The following INPPL1 variants were observed in gnomAD, a reference collection of about 807,000 sequenced individuals.
INPPL1 encodes the protein phosphatidylinositol 3,4,5-trisphosphate 5-phosphatase 2.
Under a neutral mutation model 139.3 loss-of-function variants are expected in INPPL1, and 91 were observed. The observed-to-expected ratio is 0.65, with a 90% CI of 0.55 to 0.78. The LOEUF (loss-of-function observed/expected upper bound fraction) is 0.78, where lower values mean the gene tolerates loss of function less well. INPPL1 is among the 30% of genes least tolerant of loss of function. The probability of loss-of-function intolerance (pLI) is 0.00; values close to 1 mark genes in which losing one functional copy is unlikely to be tolerated. For synonymous variants in INPPL1, 719 were observed against 686.6 expected (o/e 1.05, Z -0.74); for missense variants, 1,411 against 1,665.6 (o/e 0.85, Z 2.66).
chr11:72,226,475 C>T (rs1948677396), intron 1 of INPPL1, among the ~76,000 whole-genome samples: 1 of 152,120 alleles, frequency 6.6e-6, no homozygotes, highest in Non-Finnish European at 1.5e-5. Flanking sequence ...CCACCTCGCC[C>T]AGCTGGGGAG....
At position 72,232,315 on chromosome 11, in the gene INPPL1, C is replaced by T. The variant is rs775327646; in HGVS notation, c.1691C>T (p.Ser564Leu). Residue 564 changes from serine to leucine, a missense_variant, in exon 14 of 28, where the codon TCG (serine) becomes TTG (leucine). Physicochemically the swap from Ser to Leu is moderately radical, Grantham distance 145. Around this residue, in one of 5 missense-constraint regions of INPPL1, gnomAD observed 363 missense variants for 446.2 expected, o/e 0.81. Coordinates refer to ENST00000298229, the MANE Select transcript of INPPL1 (RefSeq NM_001567.4). ...GGCTTTGTGAATTGTCACCTCACCT[C>T]GGGAAATGAGAAGACGGCTCGGTGA... ...SFGFVNCHLT[S>L]GNEKTARRNQ... is the part of the protein sequence containing the mutation. 15 of 1,553,022 alleles carry T rather than the reference C, an allele frequency of 9.7e-6. No homozygotes were observed. Among genetic ancestry groups the T allele is most frequent in the Non-Finnish European group, 1.2e-5 (14 of 1,147,714 alleles).
rs769375951 is a variant in INPPL1 at position 72,229,220 on chromosome 11, A to C, written c.649A>C (p.Arg217=). The C allele has an allele frequency of 6.2e-7, 1 of 1,608,740 alleles. No individual in the cohort carries two copies. The change falls in exon 5 of 28, where the codon AGG becomes CGG. Residue 217 remains arginine (R), a synonymous_variant. Transcript: ENST00000298229. ...CCGTACCCTCGCTACCTCATGCCGG[A>C]GGCTGCACAGGTATCTGGGACATCC... ...LTRTLATSCR[R]LHSEVDKVLS...
rs377556632 is a variant in INPPL1 at position 72,237,734 on chromosome 11, C to A, written c.3490C>A (p.Arg1164=). The A allele has an allele frequency of 5.2e-5, 83 of 1,611,402 alleles. No homozygotes were observed. Among genetic ancestry groups the A allele is most frequent in the Non-Finnish European group, 6.5e-5 (77 of 1,179,422 alleles). The part of the protein sequence containing the change: ...PPRGLPSDYG[R]PLSFPPPRIR... The stretch of plus-strand genomic sequence containing the variant: ...CCGGGGACTGCCCTCGGACTATGGC[C>A]GGCCCCTCAGCTTCCCTCCACCCCG... Residue 1164 remains arginine (R), a synonymous_variant, in exon 26 of 28, where the codon CGG becomes AGG. Transcript: ENST00000298229.
At chr11:72,231,939 A>G (rs1315054473) in intron 13 of INPPL1, among the ~76,000 whole-genome samples, 1 of 152,106 alleles carries the variant, frequency 6.6e-6, no homozygotes, top group African/African-American at 2.4e-5. Flanking sequence ...GTGCTCTCCC[A>G]GGTAGATTCT....
In INPPL1 at chr11:72,231,375, G is replaced by A. The variant is rs1006235883; in HGVS notation, c.1498-123G>A. ...GAGAGGAACCATTTCTCTCCAGTCC[G>A]TCAGGAAGAGGGGTGGCAAGCCTTC... On this transcript the variant is annotated intron_variant, in intron 12 of 27. Coordinates refer to ENST00000298229, the MANE Select transcript of INPPL1 (RefSeq NM_001567.4). 25 of 947,430 alleles carry A rather than the reference G, an allele frequency of 2.6e-5. No individual in the cohort carries two copies. The Middle Eastern group carries it at 6.9e-4, about 26-fold the overall frequency. 58.7% of individuals were successfully genotyped at this position (947,430 alleles called of 1,614,324 possible). A position where few individuals can be genotyped will look rare whatever the true frequency, so the allele number is the denominator to read the frequency against.
chr11:72,225,522 T>C (rs936976844), intron 1 of INPPL1: 1 of 985,048 alleles, frequency 1.0e-6, no homozygotes, highest in Non-Finnish European at 1.2e-6. Context: ...TGCAGTCCCG[T>C]TTGGATAGGG....
At chr11:72,226,892 G>C (rs897692043) in intron 1 of INPPL1, among the ~76,000 whole-genome samples, 3 of 152,126 alleles carry the variant, frequency 2.0e-5, no homozygotes, top group Admixed American at 1.3e-4. Context: ...TGTCCCAGGA[G>C]GGGGAGAATC....
In INPPL1 at chr11:72,234,458, GC is replaced by G; in HGVS notation, c.2327-64del. The G allele has an allele frequency of 1.3e-6, 2 of 1,577,330 alleles. No individual in the cohort carries two copies. The highest frequency in any genetic ancestry group is 1.7e-6 in the Non-Finnish European group (2 of 1,146,494). ...GATGGGAGGCAAGAGGGTGCAGTCA[GC>G]CCCCTACTTAGGGGGAAAGGAAGCT... On this transcript the variant is annotated intron_variant, in intron 20 of 27. Transcript: ENST00000298229. The surrounding 1 kb of genome is among the most constrained non-coding windows in gnomAD (Gnocchi z 4.2).
chr11:72,237,118 A>C lies in INPPL1; in HGVS notation c.2880-6A>C. On this transcript the variant is annotated splice_region_variant and splice_polypyrimidine_tract_variant and intron_variant, in intron 25 of 27. Transcript: ENST00000298229. ...CCTGGCTTAGTCGTTCTGCTTCCACACCCAGGTTGAAGCCAGAGGGAGCTC... is the reference window on the plus strand; with the variant it reads ...CCTGGCTTAGTCGTTCTGCTTCCACCCCCAGGTTGAAGCCAGAGGGAGCTC... 6.4e-7 allele frequency: 1 copy of C among 1,569,316 alleles called. No homozygotes were observed. Among genetic ancestry groups the C allele is most frequent in the Non-Finnish European group, 8.7e-7 (1 of 1,154,416 alleles).
chr11:72,231,810 C>T (rs1381343064), intron 13 of INPPL1, among the ~76,000 whole-genome samples, 195 bp downstream of exon 13: 1 of 152,170 alleles, frequency 6.6e-6, no homozygotes, highest in Non-Finnish European at 1.5e-5. Context: ...AGGATAATTA[C>T]CCCCTTTTCA....
chr11:72,235,643 TCTC>T lies in INPPL1; in HGVS notation c.2660-28_2660-26del, dbSNP rs1948966369. On this transcript the variant is annotated intron_variant, in intron 23 of 27. Transcript: ENST00000298229. The surrounding 1 kb of genome is among the most constrained non-coding windows in gnomAD (Gnocchi z 4.9). ...TGTCTGTGGGATCCAGGAGCCCAGG[TCTC>T]CTCTGAGTCTCCCTTCCTGCCCCCT... 6.2e-7 allele frequency: 1 copy of T among 1,607,596 alleles called. No homozygotes were observed. Among genetic ancestry groups the T allele is most frequent in the Non-Finnish European group, 8.5e-7 (1 of 1,174,670 alleles).
Position 72,232,706 on chromosome 11 carries a change from G to T in INPPL1, c.1793G>T (p.Arg598Leu), listed in dbSNP as rs780875030. ...CTCAATGCCTTTGACATCTCTCTGC[G>T]TTTCACACACCTCTTCTGGTTTGGG... is the stretch of plus-strand genomic sequence containing the variant. ...RQLNAFDISL[R>L]FTHLFWFGDL... The change falls in exon 15 of 28, where the codon CGT becomes CTT. Residue 598 changes from arginine to leucine, a missense_variant. Arg to Leu is a moderately radical substitution (Grantham distance 102). Around this residue, in one of 5 missense-constraint regions of INPPL1, gnomAD observed 363 missense variants for 446.2 expected, o/e 0.81. Transcript: ENST00000298229. 1 of 1,613,832 alleles carries T rather than the reference G, an allele frequency of 6.2e-7. No homozygotes were observed. The highest frequency in any genetic ancestry group is 1.7e-5 in the Admixed American group (1 of 60,006).
At chr11:72,232,110 G>C (rs1043314775) in intron 13 of INPPL1, 130 bp from the exon 14 acceptor site, 2 of 737,090 alleles carry the variant, frequency 2.7e-6, no homozygotes, top group East Asian at 2.7e-5. Flanking sequence ...GTGTGCAGGG[G>C]CCTGCCCATG....
chr11:72,232,491 C>G, intron 14 of INPPL1, 135 bp from the exon 15 acceptor site: 1 of 1,283,748 alleles, frequency 7.8e-7, no homozygotes, highest in Non-Finnish European at 1.1e-6. Flanking sequence ...TGTTCCTGAC[C>G]CTAACCTTGT....
chr11:72,235,266 A>G lies in INPPL1; in HGVS notation c.2504-30A>G, dbSNP rs752618524. 2 of 1,613,678 alleles carry G rather than the reference A, an allele frequency of 1.2e-6. No homozygotes were observed. The highest frequency in any genetic ancestry group is 2.7e-5 in the African/African-American group (2 of 74,816). ...GACAGGGCCCTAGATTAGCTTGGTAATTTGCTGGTTTGTCCCATCTGCTCC... is the reference window on the plus strand; with the variant it reads ...GACAGGGCCCTAGATTAGCTTGGTAGTTTGCTGGTTTGTCCCATCTGCTCC... On this transcript the variant is annotated intron_variant, in intron 22 of 27. Transcript: ENST00000298229. The surrounding 1 kb of genome is among the most constrained non-coding windows in gnomAD (Gnocchi z 4.9).
Position 72,235,018 on chromosome 11 carries a change from C to T in INPPL1, c.2416-98C>T, listed in dbSNP as rs1298150269. On this transcript the variant is annotated intron_variant, in intron 21 of 27. Coordinates refer to ENST00000298229, the MANE Select transcript of INPPL1 (RefSeq NM_001567.4). This position sits in a 1 kb window ranked among gnomAD's most constrained non-coding sequence, Gnocchi z 4.9. ...TTGAGTGTGAGTGAGCACAGATGAC[C>T]TGAGGGTGGGGATTGAGTGGTGTCA... 1 of 950,936 alleles carries T rather than the reference C, an allele frequency of 1.1e-6. No individual in the cohort carries two copies. Among genetic ancestry groups the T allele is most frequent in the African/African-American group, 1.6e-5 (1 of 61,560 alleles). The allele number at this position is 950,936 out of a possible 1,614,324, so 58.9% of individuals were successfully genotyped here.
chr11:72,234,246 A>T lies in INPPL1; in HGVS notation c.2213-35A>T, dbSNP rs948482079. The stretch of plus-strand genomic sequence containing the variant: ...GTCCCATTCCTCCTGTGATCCTCTC[A>T]GTCCTCCTGTTTGTTCTCCTCCCTT... On this transcript the variant is annotated intron_variant, in intron 19 of 27. Transcript: ENST00000298229. This position sits in a 1 kb window ranked among gnomAD's most constrained non-coding sequence, Gnocchi z 4.2. 1 of 1,464,478 alleles carries T rather than the reference A, an allele frequency of 6.8e-7. No individual in the cohort carries two copies. The highest frequency in any genetic ancestry group is 1.1e-5 in the South Asian group (1 of 87,820). 90.7% of individuals were successfully genotyped at this position (1,464,478 alleles called of 1,614,324 possible).
At chr11:72,225,190 C>T in intron 1 of INPPL1, 24 bp downstream of exon 1, 2 of 947,282 alleles carry the variant, frequency 2.1e-6, no homozygotes, top group Non-Finnish European at 2.7e-6. Context: ...GGGCTCCTTG[C>T]GGGCTGGCGT....
chr11:72,231,501 G>T lies in INPPL1; in HGVS notation c.1501G>T (p.Ala501Ser). ...TGACCATGCACTCTCTACCCAGATTGCCATGCAATCACTGTGGAATATCAA... is the reference window on the plus strand; with the variant it reads ...TGACCATGCACTCTCTACCCAGATTTCCATGCAATCACTGTGGAATATCAA... ...ELTDLDYRPI[A>S]MQSLWNIKVA... Residue 501 changes from alanine to serine, a missense_variant, in exon 13 of 28, where the codon GCC (alanine) becomes TCC (serine). Around this residue, in one of 5 missense-constraint regions of INPPL1, gnomAD observed 363 missense variants for 446.2 expected, o/e 0.81. Transcript: ENST00000298229. 1 of 1,612,130 alleles carries T rather than the reference G, an allele frequency of 6.2e-7. No homozygotes were observed. Among genetic ancestry groups the T allele is most frequent in the Non-Finnish European group, 8.5e-7 (1 of 1,178,470 alleles).
Sources: allele counts gnomAD v4.1 joint callset (sites outside exome capture counted in the v4.1 genomes callset), GRCh38; gene constraint gnomAD v4.1.1; regional missense constraint gnomAD v4.1.1; non-coding constraint Gnocchi (gnomAD v3.1); transcripts MANE v1.5; gene names NCBI Gene and HGNC (gene_info 2026-07-23, HGNC 2026-07-21).